Variants in F13A1 observed in about 807,000 individuals in gnomAD.
The protein encoded by F13A1 is FSF, A subunit.
Under a neutral mutation model 80.1 loss-of-function variants are expected in F13A1, and 47 were observed. The observed-to-expected ratio is 0.59, with a 90% confidence interval of 0.46 to 0.75. The LOEUF (loss-of-function observed/expected upper bound fraction) is 0.75. F13A1 is among the 30% of genes least tolerant of loss of function. The pLI is 0.00. For synonymous variants in F13A1, 349 were observed against 344.9 expected, an observed-to-expected ratio of 1.01 and a Z score of -0.13; for missense variants, 817 against 930.4, an observed-to-expected ratio of 0.88 and a Z score of 1.59.
intron 8 of F13A1, among the ~76,000 whole-genome samples, chr6:6,202,562 A>AAACTT (rs1761416986): frequency 6.6e-6 from 1 of 152,224 alleles, no homozygotes; most frequent in African/African-American, 2.4e-5. Flanking sequence ...CCTTCATTTG[A>AAACTT]AACTTAAGTT....
chr6:6,230,815 C>T (rs1435035728), intron 6 of F13A1, among the ~76,000 whole-genome samples: 2 of 152,156 alleles, frequency 1.3e-5, no homozygotes, highest in African/African-American at 2.4e-5. Flanking sequence ...GGTAGACTTG[C>T]TGGGTGGGTA....
At chr6:6,211,113 G>T (rs1761600334) in intron 8 of F13A1, among the ~76,000 whole-genome samples, 1 of 152,176 alleles carries the variant, frequency 6.6e-6, no homozygotes, top group Non-Finnish European at 1.5e-5. Context: ...CTTATTGGCT[G>T]GGACCTTGGT....
At chr6:6,152,010 C>T in intron 13 of F13A1, 61 bp from the exon 14 acceptor site, 4 of 1,596,910 alleles carry the variant, frequency 2.5e-6, no homozygotes, top group Non-Finnish European at 3.4e-6. Context: ...CTCTTGTTGT[C>T]TTAACCATCA....
chr6:6,158,922 G>C (rs1760526086), intron 13 of F13A1, among the ~76,000 whole-genome samples: 1 of 108,322 alleles, frequency 9.2e-6, no homozygotes, highest in Non-Finnish European at 1.9e-5. Context: ...TTTTTTTCGA[G>C]ACGGAGTCTT....
chr6:6,218,665 G>A (rs9504720), intron 8 of F13A1, among the ~76,000 whole-genome samples: 3,695 of 152,212 alleles, frequency 0.024, 145 homozygotes, highest in African/African-American at 0.078. Context: ...CAGTGGGGCC[G>A]CTCTGTGCAA....
At chr6:6,187,112 A>G (rs1384038722) in intron 10 of F13A1, among the ~76,000 whole-genome samples, 4 of 126,166 alleles carry the variant, frequency 3.2e-5, no homozygotes, top group Admixed American at 2.4e-4. Context: ...TATCAGCTTA[A>G]GGAGCTTTTG....
intron 8 of F13A1, among the ~76,000 whole-genome samples, chr6:6,205,440 C>G (rs1291052592): frequency 6.6e-6 from 1 of 152,208 alleles, no homozygotes; most frequent in Non-Finnish European, 1.5e-5. Context: ...TGGCTAGATA[C>G]CAGTCCAGAT....
At chr6:6,206,170 G>A (rs559590887) in intron 8 of F13A1, among the ~76,000 whole-genome samples, 26 of 152,198 alleles carry the variant, frequency 1.7e-4, no homozygotes, top group Non-Finnish European at 3.1e-4. Context: ...TTACTGTTTT[G>A]CATTATAAAC....
Position 6,320,641 on chromosome 6 carries a change from G to T in F13A1, c.-73C>A, listed in dbSNP as rs187436054. ...CGCGTGGGCTTGCTCTGTGCGCCTC[G>T]GGGACTTCCTCAAACGGACTCGGGA... On this transcript the variant is annotated 5_prime_UTR_variant, in exon 1 of 15. Transcript: ENST00000264870. 12 of 470,362 alleles carry T rather than the reference G, an allele frequency of 2.6e-5. No individual in the cohort carries two copies. The highest frequency in any genetic ancestry group is 2.4e-4 in the Admixed American group (10 of 42,482). The allele number at this position is 470,362 out of a possible 1,614,324, so 29.1% of individuals were successfully genotyped here. A position where few individuals can be genotyped will look rare whatever the true frequency, so the allele number is the denominator to read the frequency against.
chr6:6,273,441 T>C (rs893783164), intron 3 of F13A1, among the ~76,000 whole-genome samples: 1 of 152,182 alleles, frequency 6.6e-6, no homozygotes. Context: ...AAAGAAACTT[T>C]TTTATTTCTA....
At chr6:6,275,859 T>G (rs1470457223) in intron 3 of F13A1, among the ~76,000 whole-genome samples, 1 of 152,254 alleles carries the variant, frequency 6.6e-6, no homozygotes. Flanking sequence ...AGAAATTCCC[T>G]AACCCACATG....
intron 11 of F13A1, among the ~76,000 whole-genome samples, chr6:6,177,282 TG>T (rs1760898323): frequency 6.6e-6 from 1 of 152,186 alleles, no homozygotes; most frequent in Admixed American, 6.5e-5. Context: ...TTAGCTCCAC[TG>T]TCACCTCCCC....
intron 7 of F13A1, 52 bp downstream of exon 7, chr6:6,224,634 T>TA: frequency 7.8e-6 from 12 of 1,543,746 alleles, no homozygotes; most frequent in Non-Finnish European, 1.1e-5. Context: ...AAAAATGTCT[T>TA]AGAGTGAAGT....
intron 8 of F13A1, among the ~76,000 whole-genome samples, chr6:6,216,328 G>C (rs1442203333): frequency 6.6e-6 from 1 of 151,546 alleles, no homozygotes; most frequent in East Asian, 1.9e-4. Flanking sequence ...CCAAAACAGA[G>C]ATATAGATCA....
intron 6 of F13A1, among the ~76,000 whole-genome samples, chr6:6,227,259 G>C (rs1757289614): frequency 6.6e-6 from 1 of 152,168 alleles, no homozygotes; most frequent in Non-Finnish European, 1.5e-5. Context: ...ATTCAATTTG[G>C]TTTAGACATG....
intron 8 of F13A1, among the ~76,000 whole-genome samples, chr6:6,199,216 G>A (rs534761711): frequency 6.1e-4 from 93 of 152,288 alleles, no homozygotes; most frequent in Non-Finnish European, 1.0e-3. Flanking sequence ...TTGGTCGGGC[G>A]CAGTGGCTCA....
intron 11 of F13A1, among the ~76,000 whole-genome samples, chr6:6,180,782 A>G (rs188760953): frequency 5.9e-5 from 9 of 152,336 alleles, no homozygotes; most frequent in African/African-American, 2.2e-4. Flanking sequence ...ACTATGCACA[A>G]GTGTTCTCAA....
At chr6:6,153,632 G>A (rs1760421823) in intron 13 of F13A1, among the ~76,000 whole-genome samples, 1 of 152,194 alleles carries the variant, frequency 6.6e-6, no homozygotes, top group African/African-American at 2.4e-5. Flanking sequence ...CGATGGTCAT[G>A]GTAGCAACAA....
At chr6:6,154,161 A>C (rs1208280371) in intron 13 of F13A1, among the ~76,000 whole-genome samples, 2 of 138,854 alleles carry the variant, frequency 1.4e-5, no homozygotes, top group Middle Eastern at 3.8e-3. Flanking sequence ...AAAAAAAAAA[A>C]CGGCAGTCAG....
Sources: allele counts gnomAD v4.1 joint callset (sites outside exome capture counted in the v4.1 genomes callset), GRCh38; gene constraint gnomAD v4.1.1; transcripts MANE v1.5; gene names NCBI Gene and HGNC (gene_info 2026-07-23, HGNC 2026-07-21).